Variants in BLTP3A observed in about 807,000 individuals in gnomAD.
The protein encoded by BLTP3A is ICBP90 binding protein 1.
the BLTP3A span, chr6:34,821,348 C>A: frequency 4.4e-6 from 1 of 225,064 alleles, no homozygotes; most frequent in African/African-American, 2.3e-5. Flanking sequence ...ATCGTAGGTT[C>A]TTTAGTAGGA....
chr6:34,801,864 A>C, the BLTP3A span, among the ~76,000 whole-genome samples: 1 of 152,046 alleles, frequency 6.6e-6, no homozygotes, highest in Non-Finnish European at 1.5e-5. Flanking sequence ...CAGTCTCCGG[A>C]GTAGCTGGGA....
At chr6:34,836,132 T>C in the BLTP3A span, 1 of 1,606,298 alleles carries the variant, frequency 6.2e-7, no homozygotes, top group Admixed American at 1.7e-5. Context: ...CTGGACTTCC[T>C]GTTTCTCTCT....
At chr6:34,875,034 G>C in the BLTP3A span, 3 of 152,756 alleles carry the variant, frequency 2.0e-5, no homozygotes, top group Admixed American at 2.0e-4. Flanking sequence ...TGTACTACTA[G>C]CTCTAGGGCT....
the BLTP3A span, among the ~76,000 whole-genome samples, chr6:34,823,504 A>C: frequency 1.3e-5 from 2 of 151,932 alleles, no homozygotes; most frequent in Non-Finnish European, 2.9e-5. Flanking sequence ...ATCTAATTTC[A>C]ACAATTATCA....
At chr6:34,821,782 C>A in the BLTP3A span, 1 of 1,614,142 alleles carries the variant, frequency 6.2e-7, no homozygotes. Flanking sequence ...GGTTAGCCAT[C>A]ACTCGGGTCT....
chr6:34,799,573 A>G, the BLTP3A span, among the ~76,000 whole-genome samples: 1 of 152,230 alleles, frequency 6.6e-6, no homozygotes, highest in Admixed American at 6.5e-5. Context: ...AGCATAATAT[A>G]TGGTTCACAG....
At chr6:34,797,078 T>C in the BLTP3A span, among the ~76,000 whole-genome samples, 90 of 152,208 alleles carry the variant, frequency 5.9e-4, no homozygotes, top group Admixed American at 1.2e-3. Context: ...TTTGGCGCAT[T>C]GGGGATAAAG....
At chr6:34,858,527 T>C in the BLTP3A span, 13 of 1,614,170 alleles carry the variant, frequency 8.1e-6, no homozygotes, top group Non-Finnish European at 1.1e-5. Context: ...CCCTTCCCCC[T>C]GTCCATTTGG....
chr6:34,849,696 G>A, the BLTP3A span, among the ~76,000 whole-genome samples: 2 of 151,946 alleles, frequency 1.3e-5, no homozygotes, highest in African/African-American at 4.8e-5. Flanking sequence ...CTTATTGCTC[G>A]TTAACGTCCT....
chr6:34,829,440 T>C, the BLTP3A span, among the ~76,000 whole-genome samples: 3 of 152,212 alleles, frequency 2.0e-5, no homozygotes, highest in Non-Finnish European at 2.9e-5. Flanking sequence ...AGAACTGTTA[T>C]GTACTACAAC....
At chr6:34,870,909 G>A in the BLTP3A span, 1 of 1,614,186 alleles carries the variant, frequency 6.2e-7, no homozygotes, top group Non-Finnish European at 8.5e-7. Flanking sequence ...GGCCAGCTGT[G>A]GGCCTTCGCT....
At chr6:34,848,956 T>A in the BLTP3A span, among the ~76,000 whole-genome samples, 15 of 151,094 alleles carry the variant, frequency 9.9e-5, no homozygotes, top group African/African-American at 3.6e-4. Flanking sequence ...TTGCATTTTT[T>A]TTTTTTTTTT....
the BLTP3A span, among the ~76,000 whole-genome samples, chr6:34,849,729 C>T: frequency 6.6e-6 from 1 of 152,122 alleles, no homozygotes; most frequent in Non-Finnish European, 1.5e-5. Flanking sequence ...TGAAAGAACT[C>T]CCTTTAGCAT....
At chr6:34,812,328 T>TA in the BLTP3A span, among the ~76,000 whole-genome samples, 64,510 of 140,378 alleles carry the variant, frequency 0.46, 16,348 homozygotes, top group African/African-American at 0.72. Flanking sequence ...AACTCCGTCT[T>TA]AAAAAAAAAA....
At chr6:34,872,343 C>T in the BLTP3A span, 1 of 1,611,092 alleles carries the variant, frequency 6.2e-7, no homozygotes, top group Non-Finnish European at 8.5e-7. Flanking sequence ...ACAAAAAGAA[C>T]TTATAGAAAC....
At chr6:34,831,486 A>G in the BLTP3A span, among the ~76,000 whole-genome samples, 82 of 152,140 alleles carry the variant, frequency 5.4e-4, no homozygotes, top group African/African-American at 2.0e-3. Context: ...GTAGTCCAGT[A>G]TATCTTTTTT....
the BLTP3A span, chr6:34,875,523 G>C: frequency 6.6e-6 from 1 of 152,082 alleles, no homozygotes; most frequent in East Asian, 1.9e-4. Flanking sequence ...ACCTACACTT[G>C]TGCTTGTGGG....
At chr6:34,855,807 G>A in the BLTP3A span, 2 of 1,567,690 alleles carry the variant, frequency 1.3e-6, no homozygotes, top group South Asian at 1.2e-5. Flanking sequence ...GCCAGAGATT[G>A]CAGTGCATGC....
chr6:34,830,593 G>A, the BLTP3A span, among the ~76,000 whole-genome samples: 12 of 151,334 alleles, frequency 7.9e-5, no homozygotes, highest in Non-Finnish European at 1.8e-4. Context: ...CTGTCTCGGC[G>A]GGGAAAAAAA....
Sources: allele counts gnomAD v4.1 joint callset (sites outside exome capture counted in the v4.1 genomes callset), GRCh38; gene constraint gnomAD v4.1.1; transcripts MANE v1.5; gene names NCBI Gene and HGNC (gene_info 2026-07-23, HGNC 2026-07-21).